TTBK2: variants seen among roughly 807,000 people sequenced by gnomAD.
TTBK2 encodes the protein tau tubulin kinase 2, also known as tau-tubulin kinase 2.
A neutral mutation model predicts 110.8 loss-of-function variants in TTBK2; 28 were observed. That is an observed-to-expected ratio of 0.25 (90% CI 0.19 to 0.35). TTBK2 has a LOEUF of 0.35. Ranked by LOEUF, TTBK2 falls within the 10% of genes least tolerant of loss-of-function variation. The probability of loss-of-function intolerance (pLI) is 1.00; values close to 1 mark genes in which losing one functional copy is unlikely to be tolerated. For missense variants in TTBK2, 1,369 were observed against 1,500.3 expected, an observed-to-expected ratio of 0.91 and a Z score of 1.45; for synonymous variants, 532 against 527.3, an observed-to-expected ratio of 1.01 and a Z score of -0.12.
chr15:42,789,779 A>G lies in TTBK2; in HGVS notation c.980+4865T>C, dbSNP rs115575029. On this transcript the variant is annotated intron_variant, in intron 10 of 14. Coordinates refer to ENST00000267890, the MANE Select transcript of TTBK2 (RefSeq NM_173500.4). ...ATAAAAAGCTGAATAATAGTCCATT[A>G]TGTGTGTGTGTGTAAGTATTTATAC... is the stretch of plus-strand genomic sequence containing the variant. Among the ~76,000 whole-genome samples the G allele has an allele frequency of 9.7e-3, 1,471 of 151,204 alleles. 22 individuals carry two copies. The highest frequency in any genetic ancestry group is 0.032 in the African/African-American group (1,319 of 41,218).
chr15:42,752,703 G>A lies in TTBK2; in HGVS notation c.2543C>T (p.Thr848Ile). The A allele has an allele frequency of 6.2e-7, 1 of 1,614,108 alleles. No homozygotes were observed. The highest frequency in any genetic ancestry group is 1.3e-5 in the African/African-American group (1 of 75,024). Residue 848 changes from threonine (T) to isoleucine (I), a missense_variant, in exon 14 of 15, where the codon ACA becomes ATA. Thr to Ile is a moderately conservative substitution (Grantham distance 89). This residue lies in a region of TTBK2 where 1,097 missense variants were observed against 1,114.7 expected (regional missense o/e 0.98). Coordinates refer to ENST00000267890, the MANE Select transcript of TTBK2 (RefSeq NM_173500.4). The stretch of plus-strand genomic sequence containing the variant: ...GGAAGAAATTTCTGAAGTTCCAACT[G>A]TCAGAAGCTTCATTATCTCATTATT... ...DKNNEIMKLL[T>I]VGTSEISSRD... is the part of the protein sequence containing the mutation.
At chr15:42,768,575 G>A (rs1889501778) in intron 13 of TTBK2, among the ~76,000 whole-genome samples, 1 of 152,122 alleles carries the variant, frequency 6.6e-6, no homozygotes, top group Non-Finnish European at 1.5e-5. Context: ...CCTCTTCAAG[G>A]AGAACTACAA....
intron 3 of TTBK2, among the ~76,000 whole-genome samples, chr15:42,852,417 T>C (rs1288606953): frequency 6.6e-6 from 1 of 152,206 alleles, no homozygotes; most frequent in Non-Finnish European, 1.5e-5. Flanking sequence ...TAGCTTTTAA[T>C]TACATTACAA....
At chr15:42,796,017 G>A (rs1295067628) in intron 9 of TTBK2, among the ~76,000 whole-genome samples, 1 of 152,116 alleles carries the variant, frequency 6.6e-6, no homozygotes, top group African/African-American at 2.4e-5. Flanking sequence ...TCTGTCCTGA[G>A]CCACTGGGTC....
chr15:42,756,412 C>T (rs1235501323), intron 13 of TTBK2, among the ~76,000 whole-genome samples: 1 of 151,958 alleles, frequency 6.6e-6, no homozygotes, highest in African/African-American at 2.4e-5. Flanking sequence ...ATGGTGAAAC[C>T]CTCTCTCTAC....
At chr15:42,770,804 A>G (rs1595893257) in intron 13 of TTBK2, among the ~76,000 whole-genome samples, 1 of 152,260 alleles carries the variant, frequency 6.6e-6, no homozygotes, top group East Asian at 1.9e-4. Context: ...ACCTTTTCAC[A>G]TTATTAAAGC....
chr15:42,782,762 T>G (rs1177437709), intron 11 of TTBK2, among the ~76,000 whole-genome samples: 1 of 152,236 alleles, frequency 6.6e-6, no homozygotes, highest in Non-Finnish European at 1.5e-5. Context: ...TGAGATTAAA[T>G]AGTGATAGTG....
intron 9 of TTBK2, among the ~76,000 whole-genome samples, chr15:42,808,823 C>T (rs1198151553): frequency 6.6e-6 from 1 of 152,066 alleles, no homozygotes; most frequent in Non-Finnish European, 1.5e-5. Context: ...TGCACTCTAG[C>T]CTTGCTGACA....
At chr15:42,879,602 AC>A (rs1331020299) in intron 1 of TTBK2, among the ~76,000 whole-genome samples, 1 of 151,984 alleles carries the variant, frequency 6.6e-6, no homozygotes, top group Non-Finnish European at 1.5e-5. Context: ...AATTATGTAA[AC>A]GAATGAGTAT....
At chr15:42,764,771 A>G (rs1889277176) in intron 13 of TTBK2, among the ~76,000 whole-genome samples, 2 of 152,212 alleles carry the variant, frequency 1.3e-5, no homozygotes, top group Admixed American at 1.3e-4. Context: ...CCCAGCATGG[A>G]GTTTGAGCTC....
Position 42,878,652 on chromosome 15 carries a change from G to A in TTBK2, c.-35C>T, listed in dbSNP as rs1326445012. 6.2e-7 allele frequency: 1 copy of A among 1,613,404 alleles called. No homozygotes were observed. The highest frequency in any genetic ancestry group is 8.5e-7 in the Non-Finnish European group (1 of 1,179,754). On this transcript the variant is annotated 5_prime_UTR_variant, in exon 2 of 15. Transcript: ENST00000267890. Reference sequence around the variant, plus strand: ...CTGATATGGTAGAACAGCTACACAGGCATCCAGTTCCCAAGGGTGGTTTCC... The same window carrying A: ...CTGATATGGTAGAACAGCTACACAGACATCCAGTTCCCAAGGGTGGTTTCC...
intron 3 of TTBK2, among the ~76,000 whole-genome samples, chr15:42,858,823 G>C (rs1894045143): frequency 6.6e-6 from 1 of 152,068 alleles, no homozygotes; most frequent in Admixed American, 6.6e-5. Context: ...AAAACTTCAG[G>C]GGTACCTAGT....
At chr15:42,870,496 GA>G (rs1212051622) in intron 3 of TTBK2, among the ~76,000 whole-genome samples, 1 of 151,896 alleles carries the variant, frequency 6.6e-6, no homozygotes, top group Non-Finnish European at 1.5e-5. Context: ...TTGAGAAGAG[GA>G]ATTGGTCTAT....
intron 5 of TTBK2, among the ~76,000 whole-genome samples, chr15:42,829,176 A>G (rs1265731815): frequency 1.3e-5 from 2 of 152,246 alleles, no homozygotes. Context: ...TATAGTAAAT[A>G]TGGTATATCA....
Position 42,740,286 on chromosome 15 carries a change from A to C in TTBK2, c.*5509T>G, listed in dbSNP as rs1595868257. 1 of 152,216 alleles carries C rather than the reference A, an allele frequency of 6.6e-6. No individual in the cohort carries two copies. Among genetic ancestry groups the C allele is most frequent in the Non-Finnish European group, 1.5e-5 (1 of 68,028 alleles). The allele number at this position is 152,216 out of a possible 1,614,324, so 9.4% of individuals were successfully genotyped here. On this transcript the variant is annotated 3_prime_UTR_variant, in exon 15 of 15. Coordinates refer to ENST00000267890, the MANE Select transcript of TTBK2 (RefSeq NM_173500.4). The stretch of plus-strand genomic sequence containing the variant: ...AAAGGAAAGGCTTCACTACTTTTAC[A>C]TGTTACCTTAAGACCAAAGATCCAG...
chr15:42,764,898 C>T (rs542332422), intron 13 of TTBK2, among the ~76,000 whole-genome samples: 94 of 152,272 alleles, frequency 6.2e-4, no homozygotes, highest in African/African-American at 2.2e-3. Context: ...CCCTCTGAGA[C>T]GAAGCTTCCA....
At chr15:42,887,868 C>G (rs891778533) in intron 1 of TTBK2, among the ~76,000 whole-genome samples, 1 of 152,162 alleles carries the variant, frequency 6.6e-6, no homozygotes, top group Non-Finnish European at 1.5e-5. Flanking sequence ...TCCATTACTT[C>G]AGTCAAGCCC....
chr15:42,791,169 C>A (rs1567025421), intron 10 of TTBK2, among the ~76,000 whole-genome samples: 1 of 152,154 alleles, frequency 6.6e-6, no homozygotes. Context: ...CAGGCGTGAG[C>A]CACGGTGCCT....
At position 42,743,085 on chromosome 15, in the gene TTBK2, A is replaced by G. The variant is rs189476768; in HGVS notation, c.*2710T>C. 6.6e-6 allele frequency: 1 copy of G among 152,356 alleles called. No homozygotes were observed. The highest frequency in any genetic ancestry group is 6.5e-5 in the Admixed American group (1 of 15,306). 9.4% of individuals were successfully genotyped at this position (152,356 alleles called of 1,614,324 possible). On this transcript the variant is annotated 3_prime_UTR_variant, in exon 15 of 15. Transcript: ENST00000267890. ...ATCTCTACATAGGACAATACTTATA[A>G]GCAGACCTATTGATACCACTTATAT...
Sources: gnomAD v4.1 joint callset for allele counts (sites outside exome capture counted in the v4.1 genomes callset) on GRCh38, gnomAD v4.1.1 for gene constraint, gnomAD v4.1.1 regional missense constraint, MANE v1.5 for transcripts, NCBI Gene and HGNC (gene_info 2026-07-23, HGNC 2026-07-21) for gene names.